SGCD: variants seen among roughly 807,000 people sequenced by gnomAD.
The protein encoded by SGCD is delta-sarcoglycan.
In SGCD, 18 loss-of-function variants were observed where a neutral mutation model predicts 36.6. That is an observed-to-expected ratio of 0.49 (90% CI 0.34 to 0.73). The LOEUF (loss-of-function observed/expected upper bound fraction) is 0.73. Ranked by LOEUF, SGCD falls within the 30% of genes least tolerant of loss-of-function variation. The pLI, the probability that SGCD is intolerant of heterozygous loss-of-function variation, is 0.01. For missense variants in SGCD, 387 were observed against 346.7 expected (o/e 1.12, Z -0.92); for synonymous variants, 133 against 130.6 (o/e 1.02, Z -0.12).
chr5:156,691,105 G>T (rs1206728370), intron 7 of SGCD, among the ~76,000 whole-genome samples: 2 of 148,886 alleles, frequency 1.3e-5, no homozygotes, highest in South Asian at 2.1e-4. Flanking sequence ...TACTTGGGAG[G>T]CTGGGGCAGG....
At chr5:155,864,077 A>G in the SGCD span, among the ~76,000 whole-genome samples, 1 of 152,152 alleles carries the variant, frequency 6.6e-6, no homozygotes, top group Non-Finnish European at 1.5e-5. Context: ...GACAATTTAG[A>G]TGGGTTTCCT....
At chr5:156,266,536 G>C (rs1295213556) in intron 3 of SGCD, among the ~76,000 whole-genome samples, 1 of 152,196 alleles carries the variant, frequency 6.6e-6, no homozygotes, top group Non-Finnish European at 1.5e-5. Flanking sequence ...CATGCTGGGT[G>C]AAGTAGCCTG....
At chr5:156,342,415 T>G (rs1768709065) in intron 2 of SGCD, among the ~76,000 whole-genome samples, 1 of 152,226 alleles carries the variant, frequency 6.6e-6, no homozygotes, top group Non-Finnish European at 1.5e-5. Flanking sequence ...CTAATCCTAA[T>G]TTGGCTCATT....
chr5:156,620,952 A>G (rs1461368500), intron 6 of SGCD, among the ~76,000 whole-genome samples: 1 of 152,224 alleles, frequency 6.6e-6, no homozygotes, highest in Non-Finnish European at 1.5e-5. Context: ...GAAAAGAATT[A>G]TAGTTAGACA....
chr5:156,290,614 T>C (rs1326455127), intron 3 of SGCD, among the ~76,000 whole-genome samples: 1 of 152,164 alleles, frequency 6.6e-6, no homozygotes, highest in Non-Finnish European at 1.5e-5. Context: ...ACATATTAAA[T>C]GTACAATATA....
At chr5:156,393,497 C>A (rs1771689664) in intron 3 of SGCD, among the ~76,000 whole-genome samples, 1 of 152,204 alleles carries the variant, frequency 6.6e-6, no homozygotes, top group South Asian at 2.1e-4. Flanking sequence ...ACATTTATGG[C>A]TGTTGATGCT....
chr5:156,446,644 G>T (rs1275681977), intron 3 of SGCD, among the ~76,000 whole-genome samples: 2 of 152,132 alleles, frequency 1.3e-5, no homozygotes, highest in African/African-American at 4.8e-5. Context: ...GGGACAGATG[G>T]CCAAAGTTCT....
chr5:155,990,090 CT>C (rs1554109813), intron 1 of SGCD, among the ~76,000 whole-genome samples: 4 of 152,176 alleles, frequency 2.6e-5, no homozygotes, highest in Non-Finnish European at 5.9e-5. Flanking sequence ...TGAGAGACAA[CT>C]GCTGTCAGAG....
intron 3 of SGCD, among the ~76,000 whole-genome samples, chr5:156,424,424 C>T (rs1487430487): frequency 4.6e-5 from 7 of 152,114 alleles, no homozygotes; most frequent in Non-Finnish European, 8.8e-5. Context: ...CGTTCATAAA[C>T]CCTTCAGATA....
chr5:156,394,793 C>T (rs144579753), intron 3 of SGCD, among the ~76,000 whole-genome samples: 28 of 152,178 alleles, frequency 1.8e-4, no homozygotes, highest in Middle Eastern at 3.4e-3. Flanking sequence ...TTTATGGATG[C>T]GCCAATTCTG....
chr5:156,670,938 C>T (rs1196648942), intron 7 of SGCD, among the ~76,000 whole-genome samples: 3 of 151,828 alleles, frequency 2.0e-5, no homozygotes, highest in Admixed American at 1.3e-4. Context: ...CTCCCATTAC[C>T]CTTTCCCCCT....
chr5:156,358,039 G>A (rs1361383878), intron 3 of SGCD, among the ~76,000 whole-genome samples: 2 of 152,162 alleles, frequency 1.3e-5, no homozygotes, highest in Non-Finnish European at 1.5e-5. Context: ...TGGATTGGCC[G>A]ATGTATGGGA....
chr5:156,249,918 G>GA (rs1353244997), intron 3 of SGCD, among the ~76,000 whole-genome samples: 1 of 152,152 alleles, frequency 6.6e-6, no homozygotes, highest in African/African-American at 2.4e-5. Context: ...AAAGGTCTTT[G>GA]AAAAATCTGA....
intron 1 of SGCD, among the ~76,000 whole-genome samples, chr5:155,946,110 G>A (rs1214823486): frequency 2.0e-5 from 3 of 152,184 alleles, no homozygotes; most frequent in South Asian, 2.1e-4. Flanking sequence ...TGGGTGGCTG[G>A]TGGTGGTCAC....
Position 156,455,970 on chromosome 5 carries a change from G to A in SGCD, c.193-52631G>A, listed in dbSNP as rs190333366. 2.3e-4 allele frequency among the ~76,000 whole-genome samples: 35 copies of A among 152,292 alleles called. No individual in the cohort carries two copies. The East Asian group carries it at 5.6e-3, about 24-fold the overall frequency. On this transcript the variant is annotated intron_variant, in intron 3 of 8. Transcript: ENST00000337851. ...AGGATTGAGGACCATGGCCAGAAGC[G>A]AGGGAGAAGTCTCAGAGGGAGCATG...
intron 7 of SGCD, among the ~76,000 whole-genome samples, chr5:156,747,829 C>T (rs1757004022): frequency 6.6e-6 from 1 of 152,162 alleles, no homozygotes; most frequent in African/African-American, 2.4e-5. Context: ...ATCTTAGATG[C>T]TGCCTCACCA....
Position 156,761,803 on chromosome 5 carries a change from A to G in SGCD, c.*2413A>G, listed in dbSNP as rs572739028. 5.3e-5 allele frequency: 8 copies of G among 152,324 alleles called. No individual in the cohort carries two copies. The South Asian group carries it at 1.5e-3, about 28-fold the overall frequency. The allele number at this position is 152,324 out of a possible 1,614,324, so 9.4% of individuals were successfully genotyped here. ...ATAAAAGAGACTGGTGTGATCCCACATGCAAAATTTAATCCTAAGGGTAGT... is the reference window on the plus strand; with the variant it reads ...ATAAAAGAGACTGGTGTGATCCCACGTGCAAAATTTAATCCTAAGGGTAGT... On this transcript the variant is annotated 3_prime_UTR_variant, in exon 9 of 9. Transcript: ENST00000337851.
chr5:156,491,553 A>G (rs1200600376), intron 3 of SGCD, among the ~76,000 whole-genome samples: 1 of 152,128 alleles, frequency 6.6e-6, no homozygotes, highest in East Asian at 1.9e-4. Flanking sequence ...CAGCCAACAG[A>G]TTTTCAAAAT....
At chr5:156,711,187 C>T (rs1581440981) in intron 7 of SGCD, among the ~76,000 whole-genome samples, 2 of 152,182 alleles carry the variant, frequency 1.3e-5, no homozygotes, top group Admixed American at 1.3e-4. Context: ...TTTGGAATCC[C>T]CTTGGTCAAG....
Sources: gnomAD v4.1 joint callset for allele counts (sites outside exome capture counted in the v4.1 genomes callset) on GRCh38, gnomAD v4.1.1 for gene constraint, MANE v1.5 for transcripts, NCBI Gene and HGNC (gene_info 2026-07-23, HGNC 2026-07-21) for gene names.